Variants in IPO9 observed in about 807,000 individuals in gnomAD.
IPO9 encodes importin 9.
Under a neutral mutation model 128.6 loss-of-function variants are expected in IPO9, and 28 were observed. The observed-to-expected ratio is 0.22, with a 90% confidence interval of 0.16 to 0.30. The LOEUF is 0.30. Ranked by LOEUF, IPO9 falls within the 10% of genes least tolerant of loss-of-function variation. The probability of loss-of-function intolerance (pLI) is 1.00; values close to 1 mark genes in which losing one functional copy is unlikely to be tolerated. For synonymous variants in IPO9, 455 were observed against 475.8 expected (o/e 0.96, Z 0.57); for missense variants, 935 against 1,293.9 (o/e 0.72, Z 4.26).
At position 201,881,616 on chromosome 1, in the gene IPO9, G is replaced by A. The variant is rs990974019; in HGVS notation, c.*5562G>A. ...GACAAGTGGGGGGCAGATTGTGAAG[G>A]ATCCTTCAAGACCTGCTTCCTCTAG... On this transcript the variant is annotated 3_prime_UTR_variant, in exon 24 of 24. Coordinates refer to ENST00000361565, the MANE Select transcript of IPO9 (RefSeq NM_018085.5). The A allele has an allele frequency of 6.6e-6, 1 of 152,242 alleles. No individual in the cohort carries two copies. The highest frequency in any genetic ancestry group is 6.5e-5 in the Admixed American group (1 of 15,292). The allele number at this position is 152,242 out of a possible 1,614,324, so 9.4% of individuals were successfully genotyped here.
chr1:201,860,436 A>G (rs1170484958), intron 13 of IPO9, among the ~76,000 whole-genome samples: 1 of 152,204 alleles, frequency 6.6e-6, no homozygotes, highest in East Asian at 1.9e-4. Flanking sequence ...GGTCTCTGAG[A>G]GTAGAAATCA....
intron 19 of IPO9, among the ~76,000 whole-genome samples, chr1:201,871,664 A>G (rs1399969817): frequency 6.6e-6 from 1 of 151,762 alleles, no homozygotes; most frequent in Non-Finnish European, 1.5e-5. Context: ...CAGTGCTGGG[A>G]TTACAGGTGT....
rs768483591 is a variant in IPO9 at position 201,875,149 on chromosome 1, CAGA to C, written c.2939-2_2939del. ...CCCGCCCTGTGTTGGCTATGTCTAA[CAGA>C]GGAGGATTACTACGAGGATGATGAG... On this transcript the variant is annotated splice_acceptor_variant and coding_sequence_variant, in exon 23 of 24. Coordinates refer to ENST00000361565, the MANE Select transcript of IPO9 (RefSeq NM_018085.5). LOFTEE classifies it high-confidence loss of function. The C allele has an allele frequency of 6.2e-7, 1 of 1,613,936 alleles. No individual in the cohort carries two copies.
chr1:201,878,410 CT>C lies in IPO9; in HGVS notation c.*2357del, dbSNP rs1318416411. The C allele has an allele frequency of 2.0e-5, 3 of 152,652 alleles. No homozygotes were observed. The highest frequency in any genetic ancestry group is 4.4e-5 in the Non-Finnish European group (3 of 68,044). The allele number at this position is 152,652 out of a possible 1,614,324, so 9.5% of individuals were successfully genotyped here. On this transcript the variant is annotated 3_prime_UTR_variant, in exon 24 of 24. Coordinates refer to ENST00000361565, the MANE Select transcript of IPO9 (RefSeq NM_018085.5). The stretch of plus-strand genomic sequence containing the variant: ...AAGGCTTAAGGCTCCCACACACAGA[CT>C]GAGAATGATGGGGGTCCCTCTGCGT...
intron 1 of IPO9, 65 bp from the exon 2 acceptor site, chr1:201,847,214 A>G: frequency 8.7e-7 from 1 of 1,153,402 alleles, no homozygotes; most frequent in Non-Finnish European, 1.3e-6. Flanking sequence ...CATCAGGGTT[A>G]GAGCTTAGTA....
chr1:201,856,509 A>G (rs573181694), intron 10 of IPO9, among the ~76,000 whole-genome samples: 1 of 152,354 alleles, frequency 6.6e-6, no homozygotes, highest in Non-Finnish European at 1.5e-5. Context: ...AAATCGATCT[A>G]TCAAAGGGTA....
chr1:201,871,097 C>G, intron 18 of IPO9, 64 bp from the exon 19 acceptor site: 1 of 1,511,308 alleles, frequency 6.6e-7, no homozygotes, highest in Non-Finnish European at 9.1e-7. Flanking sequence ...CTGGCCAGTT[C>G]CCTCTCATCT....
rs1054469846 is a variant in IPO9, at chr1:201,832,181, G to A, written c.163+2809G>A. On this transcript the variant is annotated intron_variant, in intron 1 of 23. Coordinates refer to ENST00000361565, the MANE Select transcript of IPO9 (RefSeq NM_018085.5). Reference sequence around the variant, plus strand: ...CTCCCAAAGTGCTGGGATTACAGCCGTGAGCCACTGCACCCAGCCCACATT... The same window carrying A: ...CTCCCAAAGTGCTGGGATTACAGCCATGAGCCACTGCACCCAGCCCACATT... 4.6e-5 allele frequency among the ~76,000 whole-genome samples: 7 copies of A among 151,772 alleles called. No individual in the cohort carries two copies. In the East Asian group the frequency reaches 7.7e-4, roughly 17 times the overall value.
chr1:201,843,425 C>T (rs774162695), intron 1 of IPO9, among the ~76,000 whole-genome samples: 10 of 152,010 alleles, frequency 6.6e-5, no homozygotes, highest in African/African-American at 1.9e-4. Context: ...AGGTGATGTG[C>T]GGGAAAAAAG....
At chr1:201,832,134 C>T (rs1298499644) in intron 1 of IPO9, among the ~76,000 whole-genome samples, 2 of 151,784 alleles carry the variant, frequency 1.3e-5, no homozygotes, top group Non-Finnish European at 2.9e-5. Context: ...CTCCTGACCT[C>T]AGGTGATCCA....
chr1:201,864,190 A>G (rs1018491830), intron 14 of IPO9, among the ~76,000 whole-genome samples: 1 of 152,130 alleles, frequency 6.6e-6, no homozygotes, highest in African/African-American at 2.4e-5. Context: ...CACAAAATTT[A>G]TTTTCCATGT....
At position 201,853,085 on chromosome 1, in the gene IPO9, G is replaced by A. The variant is rs1680255494; in HGVS notation, c.678G>A (p.Glu226=). ...GTGCCCATATGATCTGTAACATGGA[G>A]GAGCTGGAAAAGGTAAGCAGGTCTT... ...TTCAHMICNM[E]ELEKGAAKVL... The change falls in exon 6 of 24, where the codon GAG becomes GAA. Residue 226 remains glutamate, a synonymous_variant. Transcript: ENST00000361565. The A allele has an allele frequency of 1.2e-6, 2 of 1,613,966 alleles. No homozygotes were observed. Among genetic ancestry groups the A allele is most frequent in the Admixed American group, 1.7e-5 (1 of 60,002 alleles).
chr1:201,848,404 T>C lies in IPO9; in HGVS notation c.324T>C (p.Val108=). Reference sequence around the variant, plus strand: ...TTTATCCCTTACAGGCAAAAATTGTTATCCGGGAGCTATTGCCTAATGGGT... The same window carrying C: ...TTTATCCCTTACAGGCAAAAATTGTCATCCGGGAGCTATTGCCTAATGGGT... ...PPETTERAKI[V]IRELLPNGLR... is the part of the protein sequence containing the mutation. Residue 108 remains valine, a synonymous_variant, in exon 4 of 24, where the codon GTT becomes GTC. Coordinates refer to ENST00000361565, the MANE Select transcript of IPO9 (RefSeq NM_018085.5). 6.2e-7 allele frequency: 1 copy of C among 1,614,168 alleles called. No individual in the cohort carries two copies. The highest frequency in any genetic ancestry group is 8.5e-7 in the Non-Finnish European group (1 of 1,180,014).
At chr1:201,835,269 T>C (rs1329530384) in intron 1 of IPO9, among the ~76,000 whole-genome samples, 1 of 152,238 alleles carries the variant, frequency 6.6e-6, no homozygotes, top group Non-Finnish European at 1.5e-5. Context: ...ATAGCATGTA[T>C]TTCTTAAGTG....
At chr1:201,841,244 C>T (rs1449877264) in intron 1 of IPO9, among the ~76,000 whole-genome samples, 2 of 152,040 alleles carry the variant, frequency 1.3e-5, no homozygotes, top group East Asian at 3.8e-4. Context: ...ATGTAGGTTA[C>T]AGTTAAAAAA....
intron 1 of IPO9, among the ~76,000 whole-genome samples, chr1:201,840,856 AAAAGAAATAC>A (rs767779832): frequency 6.6e-6 from 1 of 152,200 alleles, no homozygotes; most frequent in Non-Finnish European, 1.5e-5. Context: ...TCATTTGTGT[AAAAGAAATAC>A]AGGAAAGAAA....
intron 15 of IPO9, among the ~76,000 whole-genome samples, chr1:201,867,396 T>C (rs1680572670): frequency 6.6e-6 from 1 of 152,128 alleles, no homozygotes; most frequent in East Asian, 1.9e-4. Context: ...AGTAAAAATT[T>C]GGAAATTATA....
chr1:201,875,053 T>C, intron 22 of IPO9, 99 bp from the exon 23 acceptor site: 1 of 1,378,858 alleles, frequency 7.3e-7, no homozygotes. Context: ...TTCTTGGGCT[T>C]TTGCACCTTC....
At chr1:201,872,988 CCT>C in intron 20 of IPO9, 27 bp downstream of exon 20, 1 of 1,600,660 alleles carries the variant, frequency 6.2e-7, no homozygotes, top group East Asian at 2.2e-5. Context: ...TTCTTCCAAT[CCT>C]CTCCCTATAC....
Sources: allele counts gnomAD v4.1 joint callset (sites outside exome capture counted in the v4.1 genomes callset), GRCh38; gene constraint gnomAD v4.1.1; transcripts MANE v1.5; gene names NCBI Gene and HGNC (gene_info 2026-07-23, HGNC 2026-07-21).